Variants in HPD observed in about 807,000 individuals in gnomAD.
The protein encoded by HPD is 4-hydroxyphenylpyruvic acid oxidase.
A neutral mutation model predicts 56.9 loss-of-function variants in HPD; 35 were observed. The observed-to-expected ratio is 0.62, with a 90% CI of 0.47 to 0.82. The LOEUF (loss-of-function observed/expected upper bound fraction) is 0.82, where lower values mean the gene tolerates loss of function less well. Ranked by LOEUF, HPD falls within the 40% of genes least tolerant of loss-of-function variation. The probability of loss-of-function intolerance (pLI) is 0.00; values close to 1 mark genes in which losing one functional copy is unlikely to be tolerated. For missense variants in HPD, 442 were observed against 506.8 expected (o/e 0.87, Z 1.23); for synonymous variants, 186 against 200.2 (o/e 0.93, Z 0.60).
chr12:121,864,879 CAACAAA>C (rs1878283239), upstream of HPD, among the ~76,000 whole-genome samples: 1 of 148,844 alleles, frequency 6.7e-6, no homozygotes, highest in African/African-American at 2.5e-5. Flanking sequence ...ACAACAACAA[CAACAAA>C]AAACTCCTGT....
intron 9 of HPD, 27 bp from the exon 10 acceptor site, chr12:121,847,241 T>G (rs936705100): frequency 1.9e-6 from 3 of 1,612,706 alleles, no homozygotes; most frequent in Admixed American, 1.7e-5. Flanking sequence ...GGAACACATA[T>G]GCTCTGAGCG....
intron 11 of HPD, among the ~76,000 whole-genome samples, chr12:121,846,179 A>G (rs1877576198): frequency 6.6e-6 from 1 of 152,204 alleles, no homozygotes; most frequent in African/African-American, 2.4e-5. Flanking sequence ...GACTACAGGC[A>G]TAAGCCACTG....
chr12:121,882,979 C>T, the HPD span, among the ~76,000 whole-genome samples: 1 of 152,044 alleles, frequency 6.6e-6, no homozygotes, highest in Non-Finnish European at 1.5e-5. Context: ...CCACCCGCCT[C>T]GGCCTCCCAA....
chr12:121,853,582 A>G (rs1302028888), intron 7 of HPD, among the ~76,000 whole-genome samples: 9 of 150,144 alleles, frequency 6.0e-5, no homozygotes, highest in South Asian at 2.1e-4. Flanking sequence ...AGATCGTGCC[A>G]CTGCACTCCA....
At chr12:121,845,687 C>T (rs1220992432) in intron 11 of HPD, among the ~76,000 whole-genome samples, 7 of 151,994 alleles carry the variant, frequency 4.6e-5, no homozygotes, top group South Asian at 2.1e-4. Flanking sequence ...CCTCCTGCCT[C>T]GGCCTCCCAC....
At chr12:121,872,151 A>C in the HPD span, among the ~76,000 whole-genome samples, 1 of 149,278 alleles carries the variant, frequency 6.7e-6, no homozygotes, top group Non-Finnish European at 1.5e-5. Flanking sequence ...GAGGCAGAGA[A>C]TTGCTTGAAC....
chr12:121,867,817 C>T (rs530097599), upstream of HPD, among the ~76,000 whole-genome samples: 4 of 152,124 alleles, frequency 2.6e-5, no homozygotes, highest in East Asian at 1.9e-4. Flanking sequence ...CCACCGTGCC[C>T]GACACCACTG....
At chr12:121,870,576 C>T in the HPD span, among the ~76,000 whole-genome samples, 2 of 141,960 alleles carry the variant, frequency 1.4e-5, no homozygotes, top group South Asian at 2.2e-4. Flanking sequence ...ATCTTTGAGA[C>T]AATAGGGAGC....
the HPD span, among the ~76,000 whole-genome samples, chr12:121,871,485 T>C: frequency 5.9e-4 from 90 of 152,264 alleles, 1 homozygote; most frequent in South Asian, 0.018. Context: ...CAGAAGTCCA[T>C]GGACAGAACC....
upstream of HPD, among the ~76,000 whole-genome samples, chr12:121,862,698 CTTTTTTTT>C (rs34868560): frequency 1.8e-5 from 1 of 54,988 alleles, no homozygotes; most frequent in South Asian, 8.1e-4. Context: ...TCAATGCAAG[CTTTTTTTT>C]TTTTTTTTTT....
chr12:121,876,016 G>T, the HPD span, among the ~76,000 whole-genome samples: 109 of 152,230 alleles, frequency 7.2e-4, no homozygotes, highest in African/African-American at 2.5e-3. Context: ...TAGTAAAAAT[G>T]ATTAGGAAGT....
At position 121,839,751 on chromosome 12, in the gene HPD, T is replaced by C. The variant is rs754985728; in HGVS notation, c.1159A>G (p.Asn387Asp). Residue 387 changes from asparagine to aspartate, a missense_variant, in exon 14 of 14, where the codon AAT becomes GAT. Asn to Asp is a conservative substitution (Grantham distance 23). Coordinates refer to ENST00000289004, the MANE Select transcript of HPD (RefSeq NM_002150.3). ...LRGNLTNMET[N>D]GVVPGM ...GCTTACATGCCGGGCACCACCCCATTGGTCTCCATGTTGGTGAGGTTACCC... is the reference window on the plus strand; with the variant it reads ...GCTTACATGCCGGGCACCACCCCATCGGTCTCCATGTTGGTGAGGTTACCC... The C allele has an allele frequency of 9.3e-6, 15 of 1,613,772 alleles. No homozygotes were observed. Among genetic ancestry groups the C allele is most frequent in the South Asian group, 2.2e-5 (2 of 91,086 alleles).
Position 121,846,942 on chromosome 12 carries a change from G to A in HPD, c.760-9C>T, listed in dbSNP as rs1217459501. On this transcript the variant is annotated splice_polypyrimidine_tract_variant and intron_variant, in intron 10 of 13. Transcript: ENST00000289004. Reference sequence around the variant, plus strand: ...TTATAGTCCACATATTCCTGGGGGAGGGAAACAAGGAGACCACTGTCATTT... The same window carrying A: ...TTATAGTCCACATATTCCTGGGGGAAGGAAACAAGGAGACCACTGTCATTT... 4.3e-6 allele frequency: 7 copies of A among 1,613,874 alleles called. No individual in the cohort carries two copies. Among genetic ancestry groups the A allele is most frequent in the Admixed American group, 1.7e-5 (1 of 59,968 alleles).
At chr12:121,849,968 TGA>T (rs1592919239) in intron 7 of HPD, 178 bp from the exon 8 acceptor site, 1 of 644,784 alleles carries the variant, frequency 1.6e-6, no homozygotes, top group Non-Finnish European at 2.9e-6. Context: ...GTCACTTGTT[TGA>T]GAGTTTCCGT....
At chr12:121,865,592 GGA>G (rs1878306385), upstream of HPD, among the ~76,000 whole-genome samples, 2 of 121,816 alleles carry the variant, frequency 1.6e-5, no homozygotes. Context: ...TCAAAAAAAA[GGA>G]AAAAAAAAAA....
intron 8 of HPD, 52 bp from the exon 9 acceptor site, chr12:121,849,128 C>G (rs768201527): frequency 2.6e-6 from 3 of 1,134,314 alleles, no homozygotes; most frequent in Non-Finnish European, 4.0e-6. Context: ...CCAGATTGCT[C>G]CCTTCTCCAT....
chr12:121,847,235 C>T (rs1877618904), intron 9 of HPD, 21 bp from the exon 10 acceptor site: 3 of 1,613,718 alleles, frequency 1.9e-6, no homozygotes, highest in Non-Finnish European at 2.5e-6. Flanking sequence ...GGCGGTGGAA[C>T]ACATATGCTC....
chr12:121,880,211 CT>C, the HPD span, among the ~76,000 whole-genome samples: 3 of 146,318 alleles, frequency 2.1e-5, no homozygotes, highest in Non-Finnish European at 4.5e-5. Flanking sequence ...TTCTTTCTTT[CT>C]TTTTTTTTCA....
intron 7 of HPD, among the ~76,000 whole-genome samples, chr12:121,851,570 C>T (rs2137622173): frequency 6.6e-6 from 1 of 151,834 alleles, no homozygotes; most frequent in Admixed American, 6.6e-5. Flanking sequence ...TCTCGAACTC[C>T]TGAACTCAGG....
Sources: gnomAD v4.1 joint callset for allele counts (sites outside exome capture counted in the v4.1 genomes callset) on GRCh38, gnomAD v4.1.1 for gene constraint, MANE v1.5 for transcripts, NCBI Gene and HGNC (gene_info 2026-07-23, HGNC 2026-07-21) for gene names.